DENND4A: variants seen among roughly 807,000 people sequenced by gnomAD.
DENND4A encodes the protein C-myc promoter-binding protein.
Under a neutral mutation model 199.3 loss-of-function variants are expected in DENND4A, and 70 were observed. The ratio of observed to expected loss-of-function variants is 0.35; its 90% confidence interval spans 0.29 to 0.43. The LOEUF is 0.43. Ranked by LOEUF, DENND4A falls within the 20% of genes least tolerant of loss-of-function variation. The pLI, the probability that DENND4A is intolerant of heterozygous loss-of-function variation, is 1.00. For missense variants in DENND4A, 1,723 were observed against 2,255.8 expected (o/e 0.76, Z 4.78); for synonymous variants, 686 against 766.9 (o/e 0.89, Z 1.74).
intron 20 of DENND4A, 38 bp from the exon 21 acceptor site, chr15:65,697,421 C>T (rs2077185331): frequency 1.5e-6 from 2 of 1,314,032 alleles, no homozygotes; most frequent in Admixed American, 1.9e-5. Context: ...CTATTAGAAA[C>T]TTCTTTAGTG....
rs1212270618 is a variant in DENND4A at position 65,696,461 on chromosome 15, C to T, written c.2987G>A (p.Cys996Tyr). Residue 996 changes from cysteine to tyrosine, a missense_variant, in exon 22 of 33, where the codon TGC (cysteine) becomes TAC (tyrosine). By Grantham distance (194) the Cys-to-Tyr change is radical. This residue lies in a region of DENND4A where 650 missense variants were observed against 738.1 expected (regional missense o/e 0.88). Transcript: ENST00000443035. ...ESESTKGSADCLPKLSYQNSS... is the reference protein window; with the variant it reads ...ESESTKGSADYLPKLSYQNSS... ...ATTTTGATAACTGAGCTTAGGAAGG[C>T]AATCAGCACTTCCTTTTGTACTCTC... is the stretch of plus-strand genomic sequence containing the variant. 6 of 1,612,226 alleles carry T rather than the reference C, an allele frequency of 3.7e-6. No individual in the cohort carries two copies. In the East Asian group the frequency reaches 1.1e-4, roughly 30 times the overall value.
In DENND4A at chr15:65,746,369, CTTTT is replaced by C. The variant is rs573935476; in HGVS notation, c.562-4589_562-4586del. 7.5e-3 allele frequency among the ~76,000 whole-genome samples: 386 copies of C among 51,268 alleles called. 3 individuals carry two copies. Among genetic ancestry groups the C allele is most frequent in the African/African-American group, 0.024 (346 of 14,380 alleles). 33.6% of individuals were successfully genotyped at this position (51,268 alleles called of 152,430 possible). A position where few individuals can be genotyped will look rare whatever the true frequency, so the allele number is the denominator to read the frequency against. On this transcript the variant is annotated intron_variant, in intron 4 of 32. Transcript: ENST00000443035. ...CTTGTTAACAATTCTACTTTTTTCT[CTTTT>C]TTTTTTTTTTTTTTTTTTTTTTTTT...
intron 1 of DENND4A, among the ~76,000 whole-genome samples, chr15:65,772,706 C>CAAAAAA (rs34181353): frequency 7.1e-4 from 24 of 33,600 alleles, no homozygotes; most frequent in African/African-American, 1.1e-3. Context: ...GACTCCGTCT[C>CAAAAAA]AAAAAAAAAA....
Position 65,757,057 on chromosome 15 carries a change from T to C in DENND4A, c.-22-585A>G, listed in dbSNP as rs576723200. 1.6e-4 allele frequency among the ~76,000 whole-genome samples: 25 copies of C among 151,996 alleles called. No homozygotes were observed. The East Asian group carries it at 3.1e-3, about 19-fold the overall frequency. ...CATCTCAAATAAATAAATAAATAAA[T>C]AAATGCACAGTCGTTCAGTAAACGC... On this transcript the variant is annotated intron_variant, in intron 2 of 32. Transcript: ENST00000443035.
chr15:65,718,579 C>G (rs12592786), intron 12 of DENND4A, among the ~76,000 whole-genome samples: 30,822 of 151,532 alleles, frequency 0.2, 4,188 homozygotes, highest in East Asian at 0.74. Flanking sequence ...ACCTGACATA[C>G]GAATAAGGAG....
At chr15:65,677,749 T>C (rs567444095) in intron 23 of DENND4A, among the ~76,000 whole-genome samples, 116 of 152,290 alleles carry the variant, frequency 7.6e-4, no homozygotes, top group Middle Eastern at 3.4e-3. Flanking sequence ...TTCCCACTGA[T>C]GTTAAATGCT....
chr15:65,700,495 T>C lies in DENND4A; in HGVS notation c.2833+49A>G, dbSNP rs1596469966. Reference sequence around the variant, plus strand: ...GTAAAAAAACATAGGCTAGCAAATCTAGTTTTAAAAATGTACTATAATAAA... The same window carrying C: ...GTAAAAAAACATAGGCTAGCAAATCCAGTTTTAAAAATGTACTATAATAAA... On this transcript the variant is annotated intron_variant, in intron 20 of 32. Transcript: ENST00000443035. The C allele has an allele frequency of 4.1e-6, 5 of 1,212,520 alleles. No individual in the cohort carries two copies. In the East Asian group the frequency reaches 9.5e-5, roughly 23 times the overall value. The allele number at this position is 1,212,520 out of a possible 1,614,324, so 75.1% of individuals were successfully genotyped here.
rs753063285 is a variant in DENND4A at position 65,676,523 on chromosome 15, G to C, written c.4291C>G (p.Gln1431Glu). 6 of 1,613,772 alleles carry C rather than the reference G, an allele frequency of 3.7e-6. No homozygotes were observed. The highest frequency in any genetic ancestry group is 4.2e-6 in the Non-Finnish European group (5 of 1,179,794). Reference protein sequence around the residue: ...CHELEGPISSQETSATSGTKR... With the variant: ...CHELEGPISSEETSATSGTKR... ...GTCCCTGAAGTAGCACTGGTCTCTT[G>C]AGAGGAGATAGGTCCTTCCAACTCA... Residue 1431 changes from glutamine to glutamate, a missense_variant, in exon 24 of 33, where the codon CAA (glutamine) becomes GAA (glutamate). Around this residue, in one of 6 missense-constraint regions of DENND4A, gnomAD observed 650 missense variants for 738.1 expected, o/e 0.88. Coordinates refer to ENST00000443035, the MANE Select transcript of DENND4A (RefSeq NM_001320835.1).
intron 1 of DENND4A, among the ~76,000 whole-genome samples, chr15:65,789,968 C>A (rs973249144): frequency 2.6e-5 from 4 of 152,126 alleles, no homozygotes; most frequent in African/African-American, 7.2e-5. Context: ...CCAGTCTGGG[C>A]AACATGGCGA....
At chr15:65,665,214 T>A in intron 30 of DENND4A, 131 bp downstream of exon 30, 1 of 617,722 alleles carries the variant, frequency 1.6e-6, no homozygotes, top group South Asian at 2.8e-5. Flanking sequence ...AACAAAAGAG[T>A]ACGACTTTGA....
chr15:65,680,365 A>C (rs1411022174), intron 23 of DENND4A, among the ~76,000 whole-genome samples: 2 of 152,140 alleles, frequency 1.3e-5, no homozygotes, highest in Admixed American at 1.3e-4. Flanking sequence ...GCTTTGATGG[A>C]TTTATTATAT....
At chr15:65,722,420 T>C (rs28661744) in intron 12 of DENND4A, among the ~76,000 whole-genome samples, 30,911 of 151,966 alleles carry the variant, frequency 0.2, 4,195 homozygotes, top group East Asian at 0.73. Flanking sequence ...GTGGGCCATG[T>C]TTGTGCCACA....
intron 5 of DENND4A, among the ~76,000 whole-genome samples, chr15:65,740,769 T>C (rs1177458958): frequency 6.6e-6 from 1 of 151,874 alleles, no homozygotes. Context: ...AAGACCAACC[T>C]GGGCAACCTA....
intron 23 of DENND4A, among the ~76,000 whole-genome samples, chr15:65,683,413 C>T (rs946545803): frequency 3.3e-5 from 5 of 152,222 alleles, no homozygotes; most frequent in Admixed American, 3.3e-4. Flanking sequence ...TTACTTCCTT[C>T]TTCCTACTTT....
rs954658073 is a variant in DENND4A, at chr15:65,765,195, GTTC to G, written c.-101-3760_-101-3758del. ...CTGGCATCACTTAAGTGTTTGCAAA[GTTC>G]TTCTTCTGCTAATGAAGATAACACA... On this transcript the variant is annotated intron_variant, in intron 1 of 32. Coordinates refer to ENST00000443035, the MANE Select transcript of DENND4A (RefSeq NM_001320835.1). Among the ~76,000 whole-genome samples the G allele has an allele frequency of 1.4e-4, 22 of 152,286 alleles. 1 individual carries two copies. In the South Asian group the frequency reaches 2.7e-3, roughly 19 times the overall value.
chr15:65,692,525 C>G (rs1226926575), intron 22 of DENND4A, among the ~76,000 whole-genome samples: 1 of 152,104 alleles, frequency 6.6e-6, no homozygotes, highest in Non-Finnish European at 1.5e-5. Context: ...TGAAAATGTG[C>G]CTTTTCTTGT....
chr15:65,747,609 G>C (rs1017998910), intron 4 of DENND4A, among the ~76,000 whole-genome samples: 21 of 152,030 alleles, frequency 1.4e-4, no homozygotes, highest in African/African-American at 5.1e-4. Flanking sequence ...TTATTGAGAG[G>C]GTTAAAACCA....
chr15:65,737,865 T>G lies in DENND4A; in HGVS notation c.882A>C (p.Leu294Phe), dbSNP rs2076157379. 1 of 1,605,366 alleles carries G rather than the reference T, an allele frequency of 6.2e-7. No homozygotes were observed. Among genetic ancestry groups the G allele is most frequent in the East Asian group, 2.2e-5 (1 of 44,698 alleles). ...TATCAGACTTCCCATCTGCTGATGTTAAACCCAAAAGAAGTCTCTGCTTTT... is the reference window on the plus strand; with the variant it reads ...TATCAGACTTCCCATCTGCTGATGTGAAACCCAAAAGAAGTCTCTGCTTTT... ...LTEKQRLLLG[L>F]TSADGKSDSS... Residue 294 changes from leucine to phenylalanine, a missense_variant, in exon 7 of 33, where the codon TTA becomes TTC. Coordinates refer to ENST00000443035, the MANE Select transcript of DENND4A (RefSeq NM_001320835.1).
Position 65,667,660 on chromosome 15 carries a change from A to T in DENND4A, c.5030T>A (p.Val1677Asp). The T allele has an allele frequency of 6.2e-7, 1 of 1,614,020 alleles. No individual in the cohort carries two copies. The highest frequency in any genetic ancestry group is 8.5e-7 in the Non-Finnish European group (1 of 1,179,886). Reference protein sequence around the residue: ...LEWHLPSPDPVTVPYLSPLVV... With the variant: ...LEWHLPSPDPDTVPYLSPLVV... Reference sequence around the variant, plus strand: ...TAAAGGACTAAGATACGGAACAGTGACAGGATCGGGACTTGGAAGGTGCCA... The same window carrying T: ...TAAAGGACTAAGATACGGAACAGTGTCAGGATCGGGACTTGGAAGGTGCCA... Residue 1677 changes from valine to aspartate, a missense_variant, in exon 29 of 33, where the codon GTC becomes GAC. Coordinates refer to ENST00000443035, the MANE Select transcript of DENND4A (RefSeq NM_001320835.1).
Sources: gnomAD v4.1 joint callset for allele counts (sites outside exome capture counted in the v4.1 genomes callset) on GRCh38, gnomAD v4.1.1 for gene constraint, gnomAD v4.1.1 regional missense constraint, MANE v1.5 for transcripts, NCBI Gene and HGNC (gene_info 2026-07-23, HGNC 2026-07-21) for gene names.